PHLPP1: variants seen among roughly 807,000 people sequenced by gnomAD.
PHLPP1 encodes the protein PH domain leucine-rich repeat-containing protein phosphatase 1.
Under a neutral mutation model 117.2 loss-of-function variants are expected in PHLPP1, and 42 were observed. That is an observed-to-expected ratio of 0.36 (90% CI 0.28 to 0.46). The LOEUF (loss-of-function observed/expected upper bound fraction) is 0.46. PHLPP1 is among the 20% of genes least tolerant of loss of function. PHLPP1 has a pLI of 1.00. For synonymous variants in PHLPP1, 1,042 were observed against 970.7 expected, an observed-to-expected ratio of 1.07 and a Z score of -1.37; for missense variants, 2,084 against 2,241.9, an observed-to-expected ratio of 0.93 and a Z score of 1.42.
chr18:62,857,971 G>A (rs371134220), intron 3 of PHLPP1, among the ~76,000 whole-genome samples: 1 of 152,188 alleles, frequency 6.6e-6, no homozygotes, highest in Non-Finnish European at 1.5e-5. Context: ...TATGAATGCC[G>A]TAGGAATCCT....
At chr18:62,928,041 A>G (rs1188814656) in intron 10 of PHLPP1, among the ~76,000 whole-genome samples, 1 of 152,212 alleles carries the variant, frequency 6.6e-6, no homozygotes, top group East Asian at 1.9e-4. Context: ...ACATTATACA[A>G]TGCAAGGTAA....
chr18:62,771,777 ATGAT>A (rs1320181698), intron 1 of PHLPP1, among the ~76,000 whole-genome samples: 1 of 152,186 alleles, frequency 6.6e-6, no homozygotes, highest in Non-Finnish European at 1.5e-5. Context: ...AAAAATTGAT[ATGAT>A]TGATACCTTC....
rs2144409327 is a variant in PHLPP1, at chr18:62,905,273, G to A, written c.2697G>A (p.Met899Ile). 1 of 1,505,378 alleles carries A rather than the reference G, an allele frequency of 6.6e-7. No individual in the cohort carries two copies. Among genetic ancestry groups the A allele is most frequent in the Non-Finnish European group, 8.9e-7 (1 of 1,124,524 alleles). 93.3% of individuals were successfully genotyped at this position (1,505,378 alleles called of 1,614,324 possible). ...CAGTTCCAAATTATCTGTCCTACAT[G>A]GATGTTTCAAGGTAAGAAGTCAAGT... ...VYPVPNYLSY[M>I]DVSRNRLENV... The change falls in exon 8 of 17, where the codon ATG becomes ATA. Residue 899 changes from methionine (M) to isoleucine (I), a missense_variant. Coordinates refer to ENST00000262719, the MANE Select transcript of PHLPP1 (RefSeq NM_194449.4).
chr18:62,975,271 AGGCGGAGT>A (rs766358725), intron 15 of PHLPP1, 118 bp from the exon 16 acceptor site: 74 of 663,528 alleles, frequency 1.1e-4, no homozygotes, highest in Non-Finnish European at 1.9e-4. Flanking sequence ...TTGATGAAGG[AGGCGGAGT>A]GGAATCCCCA....
chr18:62,901,987 A>G (rs1008470873), intron 6 of PHLPP1, among the ~76,000 whole-genome samples: 1 of 152,138 alleles, frequency 6.6e-6, no homozygotes, highest in Non-Finnish European at 1.5e-5. Context: ...TTTGTAATGG[A>G]AAATAGATGG....
At chr18:62,935,661 G>A (rs1350774218) in intron 10 of PHLPP1, among the ~76,000 whole-genome samples, 1 of 152,162 alleles carries the variant, frequency 6.6e-6, no homozygotes, top group East Asian at 1.9e-4. Context: ...TGAGAAGAAG[G>A]CCTAGAAATA....
At chr18:62,975,842 C>T (rs1776474238) in intron 16 of PHLPP1, among the ~76,000 whole-genome samples, 1 of 152,236 alleles carries the variant, frequency 6.6e-6, no homozygotes, top group Admixed American at 6.5e-5. Flanking sequence ...GTGCTGCGTG[C>T]TTCATGGGCA....
rs757201069 is a variant in PHLPP1, at chr18:62,914,918, G to A, written c.2714G>A (p.Arg905His). Residue 905 changes from arginine to histidine, a missense_variant, in exon 9 of 17, where the codon CGC (arginine) becomes CAC (histidine). This residue lies in a region of PHLPP1 where 1,365 missense variants were observed against 1,605.9 expected (regional missense o/e 0.85). Transcript: ENST00000262719. ...TTTTATGTTCTTGCATTTAGGAACC[G>A]CTTAGAAAATGTGCCTGAGTGGGTA... The part of the protein sequence containing the change: ...YLSYMDVSRN[R>H]LENVPEWVCE... 2.0e-5 allele frequency: 32 copies of A among 1,612,444 alleles called. No homozygotes were observed. The highest frequency in any genetic ancestry group is 1.2e-4 in the Admixed American group (7 of 59,882).
chr18:62,772,699 C>G (rs1374747885), intron 1 of PHLPP1, among the ~76,000 whole-genome samples: 1 of 151,724 alleles, frequency 6.6e-6, no homozygotes, highest in Non-Finnish European at 1.5e-5. Flanking sequence ...GGCGTAGTGG[C>G]ACATGCCTGT....
intron 4 of PHLPP1, among the ~76,000 whole-genome samples, chr18:62,877,708 A>C (rs771572336): frequency 1.6e-4 from 24 of 152,192 alleles, no homozygotes; most frequent in Non-Finnish European, 2.8e-4. Context: ...GAAGCTTTCC[A>C]TTTCACAAGA....
chr18:62,836,087 T>G (rs559511475), intron 2 of PHLPP1, among the ~76,000 whole-genome samples: 1 of 152,024 alleles, frequency 6.6e-6, no homozygotes, highest in African/African-American at 2.4e-5. Flanking sequence ...GGCCTTGTTC[T>G]TGATACATAT....
intron 14 of PHLPP1, among the ~76,000 whole-genome samples, chr18:62,963,848 A>G (rs894807973): frequency 6.6e-6 from 1 of 152,188 alleles, no homozygotes; most frequent in East Asian, 1.9e-4. Flanking sequence ...ATTAAAGGAG[A>G]AGTAGCTTAA....
intron 4 of PHLPP1, among the ~76,000 whole-genome samples, chr18:62,880,469 C>T (rs1219943238): frequency 1.3e-5 from 2 of 152,068 alleles, no homozygotes; most frequent in Non-Finnish European, 2.9e-5. Context: ...AGAAGAGGAG[C>T]AGAAATAGTG....
chr18:62,823,607 A>AATATATATATCTAC (rs1330430245), intron 1 of PHLPP1, among the ~76,000 whole-genome samples: 1 of 149,580 alleles, frequency 6.7e-6, no homozygotes, highest in African/African-American at 2.4e-5. Flanking sequence ...TATCTACATA[A>AATATATATATCTAC]ATATATATAT....
At chr18:62,924,321 G>A (rs1444901875) in intron 10 of PHLPP1, among the ~76,000 whole-genome samples, 1 of 152,008 alleles carries the variant, frequency 6.6e-6, no homozygotes, top group Admixed American at 6.6e-5. Context: ...TTACAGTTCT[G>A]TGTTTCGTTA....
chr18:62,874,468 C>T (rs1242042639), intron 4 of PHLPP1, among the ~76,000 whole-genome samples: 2 of 152,124 alleles, frequency 1.3e-5, no homozygotes, highest in African/African-American at 4.8e-5. Context: ...GAGATTGCGC[C>T]ACTGCACTCC....
intron 4 of PHLPP1, among the ~76,000 whole-genome samples, chr18:62,892,415 G>A (rs977104010): frequency 6.6e-6 from 1 of 151,838 alleles, no homozygotes; most frequent in Non-Finnish European, 1.5e-5. Flanking sequence ...CTATTTTGGT[G>A]AATCTTTTAA....
intron 4 of PHLPP1, among the ~76,000 whole-genome samples, chr18:62,873,002 A>G (rs186804106): frequency 3.1e-4 from 44 of 140,278 alleles, no homozygotes; most frequent in Admixed American, 1.2e-3. Flanking sequence ...AAAAAAAAAA[A>G]AAAAAGAAAA....
At chr18:62,809,970 T>C (rs779821026) in intron 1 of PHLPP1, among the ~76,000 whole-genome samples, 1 of 152,208 alleles carries the variant, frequency 6.6e-6, no homozygotes, top group South Asian at 2.1e-4. Flanking sequence ...GTTTATAAGA[T>C]TGTTGAATAT....
Sources: allele counts gnomAD v4.1 joint callset (sites outside exome capture counted in the v4.1 genomes callset), GRCh38; gene constraint gnomAD v4.1.1; regional missense constraint gnomAD v4.1.1; transcripts MANE v1.5; gene names NCBI Gene and HGNC (gene_info 2026-07-23, HGNC 2026-07-21).